The following FYB2 variants were observed in gnomAD, a reference collection of about 807,000 sequenced individuals.
The protein encoded by FYB2 is FYN binding protein 2.
In FYB2, 103 loss-of-function variants were observed where a neutral mutation model predicts 94.1. That is an observed-to-expected ratio of 1.09 (90% CI 0.93 to 1.29). The LOEUF (loss-of-function observed/expected upper bound fraction) is 1.29. Ranked by LOEUF, FYB2 falls within the 50% of genes most tolerant of loss-of-function variation. FYB2 has a pLI of 0.00. For missense variants in FYB2, 896 were observed against 841.5 expected, an observed-to-expected ratio of 1.06 and a Z score of -0.80; for synonymous variants, 293 against 287.9, an observed-to-expected ratio of 1.02 and a Z score of -0.18.
chr1:56,728,942 T>C (rs1644643348), intron 15 of FYB2, among the ~76,000 whole-genome samples: 1 of 152,114 alleles, frequency 6.6e-6, no homozygotes, highest in African/African-American at 2.4e-5. Flanking sequence ...TAAATATTTG[T>C]TGAATGAATT....
At chr1:56,742,269 T>A in intron 11 of FYB2, 48 bp from the exon 12 acceptor site, 1 of 1,386,184 alleles carries the variant, frequency 7.2e-7, no homozygotes, top group Non-Finnish European at 1.0e-6. Flanking sequence ...ATAGCAATAG[T>A]TCAGATTCAT....
Position 56,744,161 on chromosome 1 carries a change from C to T in FYB2, c.1493G>A (p.Arg498Lys), listed in dbSNP as rs1296357758. ...EEIYDDVEYS[R>K]KEVPKLNYSS... Reference sequence around the variant, plus strand: ...CTGGAATGTTACTTACACCTCTTTCCTGGAGTACTCGACATCATCATATAT... The same window carrying T: ...CTGGAATGTTACTTACACCTCTTTCTTGGAGTACTCGACATCATCATATAT... The change falls in exon 10 of 20, where the codon AGG becomes AAG. Residue 498 changes from arginine to lysine, a missense_variant. Arg to Lys is a conservative substitution (Grantham distance 26). Transcript: ENST00000343433. 5 of 1,612,472 alleles carry T rather than the reference C, an allele frequency of 3.1e-6. No individual in the cohort carries two copies. In the East Asian group the frequency reaches 1.1e-4, roughly 36 times the overall value.
chr1:56,787,291 C>A, intron 3 of FYB2, 83 bp from the exon 4 acceptor site: 1 of 1,527,198 alleles, frequency 6.5e-7, no homozygotes, highest in Non-Finnish European at 9.1e-7. Context: ...ATGACTTGAT[C>A]CCACAGATAA....
Position 56,726,580 on chromosome 1 carries a change from A to C in FYB2, c.1797T>G (p.Asp599Glu). 6.2e-7 allele frequency: 1 copy of C among 1,607,634 alleles called. No homozygotes were observed. The highest frequency in any genetic ancestry group is 8.5e-7 in the Non-Finnish European group (1 of 1,176,126). Reference protein sequence around the residue: ...DVDLSEKESKDEDKLKMWKPK... With the variant: ...DVDLSEKESKEEDKLKMWKPK... Reference sequence around the variant, plus strand: ...GCTTCCACATTTTCAGTTTATCTTCATCTCTGAGGAGAAATATATTTTGAG... The same window carrying C: ...GCTTCCACATTTTCAGTTTATCTTCCTCTCTGAGGAGAAATATATTTTGAG... The change falls in exon 16 of 20, where the codon GAT (aspartate) becomes GAG (glutamate). Residue 599 changes from aspartate to glutamate, a missense_variant. Coordinates refer to ENST00000343433, the MANE Select transcript of FYB2 (RefSeq NM_001004303.5).
At chr1:56,792,861 A>C in intron 1 of FYB2, 58 bp from the exon 2 acceptor site, 2 of 1,490,766 alleles carry the variant, frequency 1.3e-6, no homozygotes, top group Non-Finnish European at 1.8e-6. Context: ...AACAACAACA[A>C]CAAAAACAAG....
chr1:56,765,186 T>G (rs1269818192), intron 5 of FYB2, among the ~76,000 whole-genome samples: 1 of 152,124 alleles, frequency 6.6e-6, no homozygotes, highest in African/African-American at 2.4e-5. Flanking sequence ...AGGAGTGCCC[T>G]GTTATTACTT....
At chr1:56,822,693 A>G (rs118169168), upstream of FYB2, among the ~76,000 whole-genome samples, 15 of 151,938 alleles carry the variant, frequency 9.9e-5, no homozygotes, top group East Asian at 2.7e-3. Flanking sequence ...CTCAGCAAAC[A>G]TATTACTTAC....
Position 56,792,202 on chromosome 1 carries a change from T to C in FYB2, c.611A>G (p.Lys204Arg), listed in dbSNP as rs1646284740. 4.3e-6 allele frequency: 7 copies of C among 1,613,896 alleles called. No individual in the cohort carries two copies. The highest frequency in any genetic ancestry group is 2.2e-5 in the South Asian group (2 of 91,046). ...LPSQKHVVAP[K>R]ILHNVSEDPS... is the part of the protein sequence containing the mutation. Reference sequence around the variant, plus strand: ...ATCTTCAGAGACGTTATGTAATATTTTGGGGGCCACCACGTGCTTCTGGGA... The same window carrying C: ...ATCTTCAGAGACGTTATGTAATATTCTGGGGGCCACCACGTGCTTCTGGGA... The change falls in exon 2 of 20, where the codon AAA (lysine) becomes AGA (arginine). Residue 204 changes from lysine to arginine, a missense_variant. Coordinates refer to ENST00000343433, the MANE Select transcript of FYB2 (RefSeq NM_001004303.5).
chr1:56,764,371 CTT>C (rs1645572462), intron 5 of FYB2, among the ~76,000 whole-genome samples: 1 of 151,880 alleles, frequency 6.6e-6, no homozygotes, highest in Non-Finnish European at 1.5e-5. Context: ...AATGTTAAAT[CTT>C]TTGTTATAGT....
At position 56,719,895 on chromosome 1, in the gene FYB2, G is replaced by C. The variant is rs566601372; in HGVS notation, c.2165+127C>G. On this transcript the variant is annotated intron_variant, in intron 19 of 19. Coordinates refer to ENST00000343433, the MANE Select transcript of FYB2 (RefSeq NM_001004303.5). Reference sequence around the variant, plus strand: ...TCCAACATAATCCTTATAGAATAGGGCACTGCATGTCTAATTTTTAAAACT... The same window carrying C: ...TCCAACATAATCCTTATAGAATAGGCCACTGCATGTCTAATTTTTAAAACT... 250 of 1,065,924 alleles carry C rather than the reference G, an allele frequency of 2.3e-4. No homozygotes were observed. In the African/African-American group the frequency reaches 3.7e-3, roughly 16 times the overall value. 66.0% of individuals were successfully genotyped at this position (1,065,924 alleles called of 1,614,324 possible).
chr1:56,720,210 T>G lies in FYB2; in HGVS notation c.2094A>C (p.Glu698Asp). 1 of 1,611,738 alleles carries G rather than the reference T, an allele frequency of 6.2e-7. No homozygotes were observed. The highest frequency in any genetic ancestry group is 8.5e-7 in the Non-Finnish European group (1 of 1,178,922). ...GEELEVIDTT[E>D]QNLVICRNSK... ...AATTACGACATATCACTAGATTTTG[T>G]TCGGTGGTATCAATGACTTCCAATT... The change falls in exon 18 of 20, where the codon GAA becomes GAC. Residue 698 changes from glutamate (E) to aspartate (D), a missense_variant. By Grantham distance (45) the Glu-to-Asp change is conservative. Transcript: ENST00000343433.
chr1:56,815,014 C>T (rs1229464585), intron 1 of FYB2, among the ~76,000 whole-genome samples: 3 of 152,128 alleles, frequency 2.0e-5, no homozygotes, highest in African/African-American at 7.2e-5. Context: ...AGAGGTGAAG[C>T]CTCTCAGTGG....
At chr1:56,819,599 C>T, upstream of FYB2, 1 of 530,728 alleles carries the variant, frequency 1.9e-6, no homozygotes, top group South Asian at 2.2e-5. Flanking sequence ...TCCCGTTGCT[C>T]CCCTCCGGCT....
intron 15 of FYB2, among the ~76,000 whole-genome samples, chr1:56,727,472 T>TTATGGTATGTG (rs1276420963): frequency 6.6e-6 from 1 of 152,006 alleles, no homozygotes; most frequent in East Asian, 1.9e-4. Context: ...GATAAATGAA[T>TTATGGTATGTG]TATGGTATAC....
At chr1:56,791,956 C>T in intron 2 of FYB2, 100 bp downstream of exon 2, 4 of 1,439,924 alleles carry the variant, frequency 2.8e-6, no homozygotes, top group Non-Finnish European at 3.7e-6. Flanking sequence ...GCCACATTTC[C>T]CAGGTCATAT....
intron 7 of FYB2, among the ~76,000 whole-genome samples, chr1:56,754,141 A>G (rs544755025): frequency 6.6e-6 from 1 of 152,028 alleles, no homozygotes; most frequent in Non-Finnish European, 1.5e-5. Flanking sequence ...CACAGTGTCA[A>G]TTGCTGCTTA....
intron 15 of FYB2, among the ~76,000 whole-genome samples, chr1:56,733,779 A>C (rs11584961): frequency 0.042 from 6,385 of 152,182 alleles, 188 homozygotes; most frequent in Middle Eastern, 0.085. Flanking sequence ...TCTGAGAGGC[A>C]GTTTGTTATG....
intron 4 of FYB2, among the ~76,000 whole-genome samples, chr1:56,768,301 T>C (rs1170702018): frequency 6.6e-6 from 1 of 152,178 alleles, no homozygotes; most frequent in African/African-American, 2.4e-5. Context: ...GCTGGGGATT[T>C]AATGTCTGAG....
chr1:56,719,456 A>AAAT lies in FYB2; in HGVS notation c.*212_*214dup, dbSNP rs1358454396. On this transcript the variant is annotated 3_prime_UTR_variant, in exon 20 of 20. Transcript: ENST00000343433. ...TGAACTGACAGTGAAGTAGATACTGAAATAGACATTGAAAGATAACCTTTT... is the reference window on the plus strand; with the variant it reads ...TGAACTGACAGTGAAGTAGATACTGAAATAATAGACATTGAAAGATAACCTTTT... The AAAT allele has an allele frequency of 3.9e-6, 2 of 511,616 alleles. No individual in the cohort carries two copies. The highest frequency in any genetic ancestry group is 6.9e-6 in the Non-Finnish European group (2 of 290,416). 31.7% of individuals were successfully genotyped at this position (511,616 alleles called of 1,614,324 possible).
Sources: allele counts gnomAD v4.1 joint callset (sites outside exome capture counted in the v4.1 genomes callset), GRCh38; gene constraint gnomAD v4.1.1; transcripts MANE v1.5; gene names NCBI Gene and HGNC (gene_info 2026-07-23, HGNC 2026-07-21).